Variants in TMEM117 observed in about 807,000 individuals in gnomAD.
TMEM117 encodes the protein transmembrane protein 117.
Under a neutral mutation model 52.4 loss-of-function variants are expected in TMEM117, and 27 were observed. The ratio of observed to expected loss-of-function variants is 0.51; its 90% CI spans 0.38 to 0.71. The LOEUF (loss-of-function observed/expected upper bound fraction) is 0.71. Ranked by LOEUF, TMEM117 falls within the 30% of genes least tolerant of loss-of-function variation. The probability of loss-of-function intolerance (pLI) is 0.00; values close to 1 mark genes in which losing one functional copy is unlikely to be tolerated. For missense variants in TMEM117, 556 were observed against 630.5 expected (o/e 0.88, Z 1.26); for synonymous variants, 215 against 206.3 (o/e 1.04, Z -0.36).
chr12:44,100,788 T>G (rs1443994175), intron 3 of TMEM117, among the ~76,000 whole-genome samples: 6 of 151,974 alleles, frequency 3.9e-5, no homozygotes, highest in African/African-American at 1.4e-4. Context: ...AAGTACTCAC[T>G]TCAGAGCCGT....
downstream of TMEM117, among the ~76,000 whole-genome samples, chr12:44,393,913 A>G (rs886422202): frequency 6.6e-6 from 1 of 152,146 alleles, no homozygotes; most frequent in Non-Finnish European, 1.5e-5. Flanking sequence ...AATTCCTAGC[A>G]CTGGAATTTG....
chr12:44,286,737 A>G (rs1327274190), intron 5 of TMEM117, among the ~76,000 whole-genome samples: 2 of 152,220 alleles, frequency 1.3e-5, no homozygotes, highest in African/African-American at 4.8e-5. Context: ...ATTTATTTAC[A>G]TGTGCTACTA....
chr12:44,008,267 A>C (rs1946233487), intron 3 of TMEM117, among the ~76,000 whole-genome samples: 1 of 152,196 alleles, frequency 6.6e-6, no homozygotes, highest in South Asian at 2.1e-4. Flanking sequence ...CCTGACAAAG[A>C]ATAAAGAATG....
intron 3 of TMEM117, among the ~76,000 whole-genome samples, chr12:43,991,143 G>T (rs911435148): frequency 1.3e-5 from 2 of 152,186 alleles, no homozygotes; most frequent in African/African-American, 4.8e-5. Context: ...GGTGACACTA[G>T]CGATGATTTT....
chr12:44,346,544 T>C (rs1384355429), intron 6 of TMEM117, among the ~76,000 whole-genome samples: 1 of 152,126 alleles, frequency 6.6e-6, no homozygotes, highest in Non-Finnish European at 1.5e-5. Flanking sequence ...ATAGGAAAAG[T>C]ACTCATTGGG....
At chr12:43,922,669 C>T (rs906110673) in intron 2 of TMEM117, among the ~76,000 whole-genome samples, 2 of 152,122 alleles carry the variant, frequency 1.3e-5, no homozygotes, top group African/African-American at 4.8e-5. Flanking sequence ...TGAATCTCTT[C>T]ATTGTAACTT....
intron 3 of TMEM117, among the ~76,000 whole-genome samples, chr12:44,061,721 A>G (rs564315165): frequency 2.0e-5 from 3 of 152,206 alleles, no homozygotes; most frequent in Admixed American, 6.5e-5. Context: ...TTCCATATGG[A>G]GGAGGACCCA....
At chr12:44,123,208 T>G (rs917600739) in intron 3 of TMEM117, among the ~76,000 whole-genome samples, 14 of 152,170 alleles carry the variant, frequency 9.2e-5, no homozygotes, top group African/African-American at 3.4e-4. Flanking sequence ...TTTCTTCTTT[T>G]GAGAAGTGTC....
intron 6 of TMEM117, among the ~76,000 whole-genome samples, chr12:44,310,900 G>A (rs575149280): frequency 1.3e-5 from 2 of 152,080 alleles, no homozygotes; most frequent in South Asian, 2.1e-4. Flanking sequence ...GGAAATACGA[G>A]TTTAAAATTA....
At chr12:43,939,616 C>T (rs1945011136) in intron 2 of TMEM117, among the ~76,000 whole-genome samples, 1 of 152,080 alleles carries the variant, frequency 6.6e-6, no homozygotes, top group Admixed American at 6.5e-5. Context: ...GGTCTTCTAC[C>T]ACTTTGGCAC....
intron 3 of TMEM117, among the ~76,000 whole-genome samples, chr12:44,057,891 T>C (rs1947081819): frequency 6.6e-6 from 1 of 152,202 alleles, no homozygotes; most frequent in Non-Finnish European, 1.5e-5. Flanking sequence ...AAATGGTGTT[T>C]ATGTGTAAAG....
At chr12:44,284,105 G>C (rs938195670) in intron 5 of TMEM117, among the ~76,000 whole-genome samples, 1 of 152,284 alleles carries the variant, frequency 6.6e-6, no homozygotes, top group Middle Eastern at 3.4e-3. Context: ...ATGAGGTCAA[G>C]AGATGGAGAC....
At chr12:43,847,819 A>G (rs1592303331) in intron 2 of TMEM117, among the ~76,000 whole-genome samples, 1 of 152,222 alleles carries the variant, frequency 6.6e-6, no homozygotes, top group Non-Finnish European at 1.5e-5. Flanking sequence ...ATGGTCTGGT[A>G]TTGGGGGAAC....
chr12:44,247,921 T>A (rs1950150635), intron 5 of TMEM117, among the ~76,000 whole-genome samples: 1 of 152,178 alleles, frequency 6.6e-6, no homozygotes, highest in South Asian at 2.1e-4. Context: ...GAACCTCTTA[T>A]GCCAGGCTTG....
intron 3 of TMEM117, among the ~76,000 whole-genome samples, chr12:44,120,855 C>T (rs1026766594): frequency 1.2e-4 from 19 of 152,272 alleles, no homozygotes; most frequent in African/African-American, 4.3e-4. Flanking sequence ...CTGTGGAGGC[C>T]ACCTGTTCAC....
At chr12:44,320,868 A>G (rs1490138205) in intron 6 of TMEM117, among the ~76,000 whole-genome samples, 1 of 152,254 alleles carries the variant, frequency 6.6e-6, no homozygotes, top group African/African-American at 2.4e-5. Context: ...AGAATTGCCT[A>G]GAATAGTTCA....
intron 3 of TMEM117, among the ~76,000 whole-genome samples, chr12:44,015,464 C>G (rs531749374): frequency 1.3e-5 from 2 of 152,194 alleles, no homozygotes; most frequent in African/African-American, 4.8e-5. Flanking sequence ...ATATGTTCAT[C>G]TCATAAGATG....
chr12:44,125,798 G>A (rs1948314757), intron 3 of TMEM117, among the ~76,000 whole-genome samples: 1 of 151,970 alleles, frequency 6.6e-6, no homozygotes, highest in South Asian at 2.1e-4. Context: ...TCTTTTAGTT[G>A]TGATGTTAGA....
At chr12:44,065,328 CAGTGAGCCGAG>C (rs1947205874) in intron 3 of TMEM117, among the ~76,000 whole-genome samples, 1 of 151,828 alleles carries the variant, frequency 6.6e-6, no homozygotes, top group South Asian at 2.1e-4. Context: ...GCGGAGGTTG[CAGTGAGCCGAG>C]ATCACACCAC....
Sources: gnomAD v4.1 joint callset for allele counts (sites outside exome capture counted in the v4.1 genomes callset) on GRCh38, gnomAD v4.1.1 for gene constraint, MANE v1.5 for transcripts, NCBI Gene and HGNC (gene_info 2026-07-23, HGNC 2026-07-21) for gene names.